HTATIP2: variants seen among roughly 807,000 people sequenced by gnomAD.
HTATIP2 encodes HIV-1 Tat interactive protein 2, also known as protein HTATIP2.
A neutral mutation model predicts 24.7 loss-of-function variants in HTATIP2; 26 were observed. The observed-to-expected ratio is 1.05, with a 90% CI of 0.77 to 1.46. The LOEUF is 1.46. Ranked by LOEUF, HTATIP2 falls within the 40% of genes most tolerant of loss-of-function variation. The pLI, the probability that HTATIP2 is intolerant of heterozygous loss-of-function variation, is 0.00. For synonymous variants in HTATIP2, 99 were observed against 113.2 expected (o/e 0.87, Z 0.79); for missense variants, 284 against 289.6 (o/e 0.98, Z 0.14).
rs1323675112 is a variant in HTATIP2, at chr11:20,363,851, GC to G, written c.-386del. Reference sequence around the variant, plus strand: ...GGCGCTGAGCGCGGCGGCGGCGGCTGCTCTGGCGGCCGCCCTGCTCCTGCTG... The same window carrying G: ...GGCGCTGAGCGCGGCGGCGGCGGCTGTCTGGCGGCCGCCCTGCTCCTGCTG... On this transcript the variant is annotated 5_prime_UTR_variant, in exon 1 of 5. An upstream open reading frame in the 5' UTR loses its in-frame stop. Transcript: ENST00000451739. 8.0e-7 allele frequency: 1 copy of G among 1,244,978 alleles called. No homozygotes were observed. Among genetic ancestry groups the G allele is most frequent in the African/African-American group, 1.6e-5 (1 of 64,436 alleles). 77.1% of individuals were successfully genotyped at this position (1,244,978 alleles called of 1,614,324 possible). A position where few individuals can be genotyped will look rare whatever the true frequency, so the allele number is the denominator to read the frequency against.
intron 3 of HTATIP2, among the ~76,000 whole-genome samples, chr11:20,378,332 C>T (rs1465730445): frequency 2.6e-5 from 4 of 152,010 alleles, no homozygotes; most frequent in African/African-American, 9.7e-5. Flanking sequence ...GAGTCAAAGT[C>T]TTGCTCTGTC....
chr11:20,374,356 T>G (rs770073746), intron 2 of HTATIP2, among the ~76,000 whole-genome samples: 1 of 152,252 alleles, frequency 6.6e-6, no homozygotes, highest in Non-Finnish European at 1.5e-5. Context: ...ATTTAGCAGC[T>G]TAAGACAACA....
intron 3 of HTATIP2, among the ~76,000 whole-genome samples, chr11:20,377,729 T>G (rs1848466267): frequency 6.6e-6 from 1 of 152,222 alleles, no homozygotes; most frequent in East Asian, 1.9e-4. Flanking sequence ...TTGGGTCAGA[T>G]CTACTTGTCC....
chr11:20,383,458 G>A lies in HTATIP2; in HGVS notation c.*253G>A. The A allele has an allele frequency of 2.1e-6, 1 of 477,798 alleles. No homozygotes were observed. The allele number at this position is 477,798 out of a possible 1,614,324, so 29.6% of individuals were successfully genotyped here. On this transcript the variant is annotated 3_prime_UTR_variant, in exon 5 of 5. Coordinates refer to ENST00000451739, the MANE Select transcript of HTATIP2 (RefSeq NM_001098522.2). ...AAACTTGAATCAAAATTTCTGGGGT[G>A]TGGGCACAATAATCTGTAATTTTCT... is the stretch of plus-strand genomic sequence containing the variant.
intron 3 of HTATIP2, among the ~76,000 whole-genome samples, chr11:20,379,624 AT>A (rs1592322252): frequency 6.6e-6 from 1 of 152,184 alleles, no homozygotes; most frequent in Admixed American, 6.5e-5. Context: ...CTTTATGGGC[AT>A]TCTGCTGGTG....
Position 20,363,778 on chromosome 11 carries a change from C to G in HTATIP2, c.-460C>G, listed in dbSNP as rs943869145. ...GGCGCTGTCTCCGTCGCCTCCAACC[C>G]CCCCGGTCCGACCAGGGAAGGTGGG... is the stretch of plus-strand genomic sequence containing the variant. On this transcript the variant is annotated 5_prime_UTR_variant, in exon 1 of 5. Coordinates refer to ENST00000451739, the MANE Select transcript of HTATIP2 (RefSeq NM_001098522.2). 2 of 1,240,536 alleles carry G rather than the reference C, an allele frequency of 1.6e-6. No individual in the cohort carries two copies. Among genetic ancestry groups the G allele is most frequent in the Non-Finnish European group, 2.0e-6 (2 of 987,738 alleles). 76.8% of individuals were successfully genotyped at this position (1,240,536 alleles called of 1,614,324 possible). A position where few individuals can be genotyped will look rare whatever the true frequency, so the allele number is the denominator to read the frequency against.
intron 2 of HTATIP2, among the ~76,000 whole-genome samples, chr11:20,371,451 C>T (rs1180244874): frequency 6.6e-6 from 1 of 152,154 alleles, no homozygotes; most frequent in Non-Finnish European, 1.5e-5. Flanking sequence ...TTCCATCGCC[C>T]AGGCTGGAGT....
rs2064665556 is a variant in HTATIP2, at chr11:20,364,082, C to G, written c.-156C>G. 1 of 1,369,424 alleles carries G rather than the reference C, an allele frequency of 7.3e-7. No homozygotes were observed. The highest frequency in any genetic ancestry group is 9.4e-7 in the Non-Finnish European group (1 of 1,061,034). The allele number at this position is 1,369,424 out of a possible 1,614,324, so 84.8% of individuals were successfully genotyped here. On this transcript the variant is annotated 5_prime_UTR_variant, in exon 1 of 5. Coordinates refer to ENST00000451739, the MANE Select transcript of HTATIP2 (RefSeq NM_001098522.2). ...CAGGTGCGGGCGATGGCCGGGGAGCCGCGCCCCGCACGTGACTCAGCACTT... is the reference window on the plus strand; with the variant it reads ...CAGGTGCGGGCGATGGCCGGGGAGCGGCGCCCCGCACGTGACTCAGCACTT...
chr11:20,382,206 T>C lies in HTATIP2; in HGVS notation c.470T>C (p.Leu157Ser). Reference protein sequence around the residue: ...KGEVEAKVEELKFDRYSVFRP... With the variant: ...KGEVEAKVEESKFDRYSVFRP... Reference sequence around the variant, plus strand: ...GAAGTAGAAGCCAAGGTTGAAGAATTAAAATTTGATCGTTACTCTGTATTT... The same window carrying C: ...GAAGTAGAAGCCAAGGTTGAAGAATCAAAATTTGATCGTTACTCTGTATTT... Residue 157 changes from leucine to serine, a missense_variant, in exon 4 of 5, where the codon TTA (leucine) becomes TCA (serine). Leu to Ser is a moderately radical substitution (Grantham distance 145). Coordinates refer to ENST00000451739, the MANE Select transcript of HTATIP2 (RefSeq NM_001098522.2). 1.9e-6 allele frequency: 3 copies of C among 1,594,832 alleles called. No homozygotes were observed. Among genetic ancestry groups the C allele is most frequent in the African/African-American group, 1.3e-5 (1 of 74,646 alleles).
intron 2 of HTATIP2, 88 bp from the exon 3 acceptor site, chr11:20,376,492 C>T: frequency 7.1e-7 from 1 of 1,407,700 alleles, no homozygotes; most frequent in South Asian, 1.2e-5. Context: ...TCCTTCTAGG[C>T]CTCCCAGCCT....
intron 1 of HTATIP2, among the ~76,000 whole-genome samples, chr11:20,364,981 GGT>G (rs1491116565): frequency 2.0e-5 from 2 of 98,810 alleles, no homozygotes; most frequent in East Asian, 2.9e-4. Context: ...CTAAGTTAAA[GGT>G]TTTTTTTTTT....
intron 2 of HTATIP2, among the ~76,000 whole-genome samples, chr11:20,371,522 A>G (rs1057448562): frequency 1.3e-5 from 2 of 151,956 alleles, no homozygotes; most frequent in East Asian, 3.9e-4. Context: ...GCCTCCACCT[A>G]CCCAGCTCAA....
intron 3 of HTATIP2, among the ~76,000 whole-genome samples, chr11:20,380,329 G>A (rs1848499137): frequency 6.6e-6 from 1 of 152,180 alleles, no homozygotes; most frequent in Non-Finnish European, 1.5e-5. Context: ...GCCTGCTATG[G>A]TATCTCTTTT....
intron 3 of HTATIP2, 42 bp downstream of exon 3, chr11:20,376,759 TA>T: frequency 6.6e-7 from 1 of 1,524,198 alleles, no homozygotes; most frequent in Non-Finnish European, 8.9e-7. Context: ...TGGAGAACCC[TA>T]GCTATTTGGC....
At chr11:20,367,038 A>G in intron 1 of HTATIP2, 136 bp from the exon 2 acceptor site, 1 of 1,020,508 alleles carries the variant, frequency 9.8e-7, no homozygotes. Flanking sequence ...GGTTGGAGAA[A>G]AGGAATTTGT....
chr11:20,383,616 G>T lies in HTATIP2; in HGVS notation c.*411G>T. ...TGCAAATGAGCTCTGCTCTAAAATT[G>T]TTGACATTCATGTCTCTGAGTTACA... On this transcript the variant is annotated 3_prime_UTR_variant, in exon 5 of 5. Coordinates refer to ENST00000451739, the MANE Select transcript of HTATIP2 (RefSeq NM_001098522.2). 1 of 171,280 alleles carries T rather than the reference G, an allele frequency of 5.8e-6. No homozygotes were observed. The highest frequency in any genetic ancestry group is 1.6e-4 in the South Asian group (1 of 6,270). The allele number at this position is 171,280 out of a possible 1,614,324, so 10.6% of individuals were successfully genotyped here.
At chr11:20,377,509 A>G (rs1237834321) in intron 3 of HTATIP2, among the ~76,000 whole-genome samples, 1 of 152,206 alleles carries the variant, frequency 6.6e-6, no homozygotes, top group Non-Finnish European at 1.5e-5. Context: ...CTTTCAGTTA[A>G]ATTGATGCTG....
intron 2 of HTATIP2, among the ~76,000 whole-genome samples, chr11:20,369,948 G>A (rs1168040384): frequency 4.6e-5 from 7 of 152,296 alleles, no homozygotes; most frequent in Admixed American, 1.3e-4. Context: ...TCCTTTAACA[G>A]TAGCTGGGCA....
chr11:20,382,338 G>A, intron 4 of HTATIP2, 99 bp downstream of exon 4: 1 of 708,196 alleles, frequency 1.4e-6, no homozygotes, highest in Non-Finnish European at 2.4e-6. Flanking sequence ...AAATATCTAA[G>A]ATATGAAAGA....
Sources: allele counts gnomAD v4.1 joint callset (sites outside exome capture counted in the v4.1 genomes callset), GRCh38; gene constraint gnomAD v4.1.1; transcripts MANE v1.5; gene names NCBI Gene and HGNC (gene_info 2026-07-23, HGNC 2026-07-21).